Variants in NDUFAF6 observed in about 807,000 individuals in gnomAD.
NDUFAF6 encodes NADH:ubiquinone oxidoreductase complex assembly factor 6, also known as NADH dehydrogenase (ubiquinone) complex I, assembly factor 6.
A neutral mutation model predicts 40.8 loss-of-function variants in NDUFAF6; 45 were observed. The ratio of observed to expected loss-of-function variants is 1.10; its 90% CI spans 0.87 to 1.42. The LOEUF (loss-of-function observed/expected upper bound fraction) is 1.42, where lower values mean the gene tolerates loss of function less well. Among genes scored for constraint, NDUFAF6 ranks in the 40% most tolerant of loss-of-function variants. The pLI is 0.00. For missense variants in NDUFAF6, 435 were observed against 418.5 expected, an observed-to-expected ratio of 1.04 and a Z score of -0.34; for synonymous variants, 185 against 155.9, an observed-to-expected ratio of 1.19 and a Z score of -1.39.
chr8:95,108,950 AAT>A (rs1261251266), intron 4 of NDUFAF6, among the ~76,000 whole-genome samples: 1 of 152,188 alleles, frequency 6.6e-6, no homozygotes, highest in East Asian at 1.9e-4. Context: ...TAGATAGATA[AAT>A]AGAGTGGATG....
At chr8:95,036,312 A>G (rs775116598) in intron 3 of NDUFAF6, 144 of 1,285,814 alleles carry the variant, frequency 1.1e-4, no homozygotes, top group Admixed American at 4.0e-4. Flanking sequence ...TGATTGCCAA[A>G]AGAGGGTTTC....
At chr8:95,047,213 C>A in intron 6 of NDUFAF6, 86 bp downstream of exon 6, 1 of 1,565,008 alleles carries the variant, frequency 6.4e-7, no homozygotes, top group Non-Finnish European at 8.8e-7. Context: ...TTAGTCTATT[C>A]AAGTAATTGC....
At chr8:95,100,378 TTTC>T (rs1417841602), upstream of NDUFAF6, 1 of 152,234 alleles carries the variant, frequency 6.6e-6, no homozygotes, top group Admixed American at 6.5e-5. Context: ...GCTGGATTTT[TTTC>T]TTCTTAAAGA....
At chr8:95,081,650 G>A (rs58811669) in intron 2 of NDUFAF6, among the ~76,000 whole-genome samples, 6,693 of 152,260 alleles carry the variant, frequency 0.044, 456 homozygotes, top group African/African-American at 0.15. Flanking sequence ...AATTAATCAA[G>A]GGAAGAGAGA....
At chr8:95,022,868 AT>A (rs1238995385), upstream of NDUFAF6, among the ~76,000 whole-genome samples, 3 of 152,204 alleles carry the variant, frequency 2.0e-5, no homozygotes, top group African/African-American at 7.2e-5. Flanking sequence ...CAAAGGACTA[AT>A]CCCCCTCACG....
At chr8:95,117,603 T>G (rs552135220), downstream of NDUFAF6, among the ~76,000 whole-genome samples, 36 of 152,300 alleles carry the variant, frequency 2.4e-4, 1 homozygote, top group East Asian at 4.0e-3. Flanking sequence ...ATATTACCAG[T>G]GTTCACCAGT....
At chr8:95,023,417 A>C (rs906713594), upstream of NDUFAF6, 7 of 152,300 alleles carry the variant, frequency 4.6e-5, no homozygotes, top group African/African-American at 1.4e-4. Context: ...CAAAAACATT[A>C]ACTTGGAGTC....
At chr8:95,084,611 G>A (rs776093282) in intron 2 of NDUFAF6, among the ~76,000 whole-genome samples, 79 of 152,310 alleles carry the variant, frequency 5.2e-4, no homozygotes, top group Non-Finnish European at 7.3e-4. Flanking sequence ...GTGCTATTCA[G>A]CATCCTTGGG....
intron 1 of NDUFAF6, among the ~76,000 whole-genome samples, chr8:94,937,455 A>AC (rs1378808147): frequency 6.6e-6 from 1 of 151,236 alleles, no homozygotes; most frequent in African/African-American, 2.4e-5. Context: ...AAAAAAAAAA[A>AC]CCCAAAAACA....
intron 3 of NDUFAF6, among the ~76,000 whole-genome samples, chr8:95,038,395 G>C (rs1829757193): frequency 6.6e-6 from 1 of 150,904 alleles, no homozygotes; most frequent in African/African-American, 2.4e-5. Context: ...TTTTGAGACA[G>C]AGTCTCACTC....
At chr8:94,975,773 C>A (rs895044011) in intron 1 of NDUFAF6, 1 of 152,166 alleles carries the variant, frequency 6.6e-6, no homozygotes, top group Non-Finnish European at 1.5e-5. Flanking sequence ...TTTTCAGCAT[C>A]TTTTGCTAAT....
intron 1 of NDUFAF6, chr8:94,939,854 A>G: frequency 6.2e-7 from 1 of 1,606,776 alleles, no homozygotes; most frequent in Non-Finnish European, 8.5e-7. Flanking sequence ...AATACTTGTA[A>G]CGTACCTGGG....
chr8:94,939,163 A>T (rs1234187090), intron 1 of NDUFAF6, among the ~76,000 whole-genome samples: 1 of 152,228 alleles, frequency 6.6e-6, no homozygotes, highest in Non-Finnish European at 1.5e-5. Context: ...TCAAGGTTAC[A>T]TCATTTGATG....
chr8:95,109,605 G>T (rs1440058996), intron 4 of NDUFAF6, among the ~76,000 whole-genome samples: 8 of 92,656 alleles, frequency 8.6e-5, no homozygotes, highest in African/African-American at 2.7e-4. Context: ...GAGAGAGAGA[G>T]AGAGAGAGAG....
intron 2 of NDUFAF6, among the ~76,000 whole-genome samples, chr8:94,946,042 AG>A (rs1377901879): frequency 9.9e-5 from 15 of 152,206 alleles, no homozygotes; most frequent in African/African-American, 3.6e-4. Flanking sequence ...CTAGAAAATA[AG>A]AAAAATAAGT....
intron 1 of NDUFAF6, among the ~76,000 whole-genome samples, chr8:94,941,289 A>T (rs1821507006): frequency 6.6e-6 from 1 of 152,184 alleles, no homozygotes; most frequent in Admixed American, 6.5e-5. Flanking sequence ...TTCAACCTAT[A>T]AATATCTTAA....
At chr8:95,078,163 A>T (rs1314396493), downstream of NDUFAF6, among the ~76,000 whole-genome samples, 10 of 152,158 alleles carry the variant, frequency 6.6e-5, no homozygotes, top group East Asian at 1.9e-3. Flanking sequence ...TCATGGGGCC[A>T]CTGGAGTGGA....
chr8:95,109,130 T>A (rs1463180904), intron 4 of NDUFAF6, among the ~76,000 whole-genome samples: 1 of 152,204 alleles, frequency 6.6e-6, no homozygotes, highest in Non-Finnish European at 1.5e-5. Context: ...CCAAGCTCTT[T>A]CAGGATAACA....
intron 9 of NDUFAF6, among the ~76,000 whole-genome samples, chr8:95,074,366 C>T (rs573489687): frequency 1.3e-4 from 20 of 152,178 alleles, no homozygotes; most frequent in African/African-American, 3.6e-4. Context: ...TTGTGTGGCT[C>T]GTGTGCTCTC....
Sources: gnomAD v4.1 joint callset for allele counts (sites outside exome capture counted in the v4.1 genomes callset) on GRCh38, gnomAD v4.1.1 for gene constraint, MANE v1.5 for transcripts, NCBI Gene and HGNC (gene_info 2026-07-23, HGNC 2026-07-21) for gene names.